Variants in CPEB2 observed in about 807,000 individuals in gnomAD.
The protein encoded by CPEB2 is cytoplasmic polyadenylation element-binding protein 2.
In CPEB2, 56 loss-of-function variants were observed where a neutral mutation model predicts 93.6. That is an observed-to-expected ratio of 0.60 (90% CI 0.48 to 0.75). The LOEUF (loss-of-function observed/expected upper bound fraction) is 0.75. Among genes scored for constraint, CPEB2 ranks in the 30% least tolerant of loss-of-function variants. The pLI is 0.00. For synonymous variants in CPEB2, 764 were observed against 586.3 expected (o/e 1.30, Z -4.38); for missense variants, 1,579 against 1,395.1 (o/e 1.13, Z -2.10).
In CPEB2 at chr4:15,002,927, C is replaced by A; in HGVS notation, c.254C>A (p.Pro85Gln). Residue 85 changes from proline (P) to glutamine (Q), a missense_variant, in exon 1 of 12, where the codon CCG becomes CAG. Coordinates refer to ENST00000538197, the MANE Select transcript of CPEB2 (RefSeq NM_001177382.2). ...GCCGCCGCCGCTTCCTCTTCCTCCC[C>A]GTTCCTGGCGCATCAGCAGACCATG... ...SPAAAASSSS[P>Q]FLAHQQTMQD... 5 of 1,516,016 alleles carry A rather than the reference C, an allele frequency of 3.3e-6. No individual in the cohort carries two copies. Among genetic ancestry groups the A allele is most frequent in the Non-Finnish European group, 4.4e-6 (5 of 1,141,716 alleles). 93.9% of individuals were successfully genotyped at this position (1,516,016 alleles called of 1,614,324 possible).
At chr4:15,013,870 T>G (rs1723794437) in intron 3 of CPEB2, among the ~76,000 whole-genome samples, 1 of 151,982 alleles carries the variant, frequency 6.6e-6, no homozygotes, top group South Asian at 2.1e-4. Flanking sequence ...TAGGATCAAA[T>G]ACTTAACAGA....
At chr4:15,061,703 G>A (rs1729202272) in intron 10 of CPEB2, among the ~76,000 whole-genome samples, 2 of 149,054 alleles carry the variant, frequency 1.3e-5, no homozygotes, top group African/African-American at 5.0e-5. Flanking sequence ...GTGTACTTGG[G>A]AAAATTGATT....
intron 3 of CPEB2, among the ~76,000 whole-genome samples, chr4:15,011,968 A>G (rs1024159949): frequency 1.5e-5 from 1 of 64,980 alleles, no homozygotes; most frequent in African/African-American, 1.0e-4. Flanking sequence ...TTAATCTTTA[A>G]TAGGCTGTTA....
intron 6 of CPEB2, among the ~76,000 whole-genome samples, chr4:15,043,310 G>A (rs1440932181): frequency 1.3e-5 from 2 of 152,150 alleles, no homozygotes; most frequent in Non-Finnish European, 2.9e-5. Flanking sequence ...TATGCTAGTA[G>A]TAGTTAAGAA....
intron 1 of CPEB2, chr4:15,006,432 A>AC (rs1722825734): frequency 6.6e-6 from 1 of 151,706 alleles, no homozygotes; most frequent in African/African-American, 2.4e-5. Flanking sequence ...AAAAAAAAAA[A>AC]ACCCAAAACT....
At chr4:15,019,234 AT>A (rs776867579) in intron 4 of CPEB2, among the ~76,000 whole-genome samples, 16 of 151,912 alleles carry the variant, frequency 1.1e-4, no homozygotes, top group Non-Finnish European at 1.8e-4. Flanking sequence ...AAATAAAAAA[AT>A]AAGACTGATA....
At position 15,066,342 on chromosome 4, in the gene CPEB2, G is replaced by A. The variant is rs372678404; in HGVS notation, c.3067G>A (p.Ala1023Thr). The A allele has an allele frequency of 8.1e-6, 13 of 1,612,226 alleles. No individual in the cohort carries two copies. The highest frequency in any genetic ancestry group is 1.6e-4 in the Middle Eastern group (1 of 6,078). The change falls in exon 12 of 12, where the codon GCT becomes ACT. Residue 1023 changes from alanine (A) to threonine (T), a missense_variant. Transcript: ENST00000538197. ...EFHKPLVKEG[A>T]DRPRQIHFRW... ...CCATAAGCCATTGGTAAAGGAAGGTGCTGATCGCCCACGTCAGATCCACTT... is the reference window on the plus strand; with the variant it reads ...CCATAAGCCATTGGTAAAGGAAGGTACTGATCGCCCACGTCAGATCCACTT...
chr4:15,031,985 CCTT>C (rs1461311746), intron 4 of CPEB2, among the ~76,000 whole-genome samples: 1 of 152,064 alleles, frequency 6.6e-6, no homozygotes, highest in Non-Finnish European at 1.5e-5. Flanking sequence ...CATCTGTACT[CCTT>C]ACTTGTGTGC....
At chr4:15,013,123 A>G (rs961517651) in intron 3 of CPEB2, among the ~76,000 whole-genome samples, 4 of 151,740 alleles carry the variant, frequency 2.6e-5, no homozygotes, top group Non-Finnish European at 5.9e-5. Context: ...CAGCCTTTCT[A>G]AGCTTTTATT....
intron 6 of CPEB2, among the ~76,000 whole-genome samples, chr4:15,046,031 G>A (rs1171847788): frequency 6.6e-6 from 1 of 152,030 alleles, no homozygotes; most frequent in Non-Finnish European, 1.5e-5. Context: ...TATACATTTG[G>A]TACTTGTTAT....
At chr4:15,047,709 G>T (rs1257970345) in intron 6 of CPEB2, among the ~76,000 whole-genome samples, 1 of 151,860 alleles carries the variant, frequency 6.6e-6, no homozygotes, top group East Asian at 1.9e-4. Context: ...CAGTGTTCAT[G>T]ACTTTAAATT....
At chr4:15,014,516 C>T (rs1723863882) in intron 3 of CPEB2, among the ~76,000 whole-genome samples, 1 of 151,902 alleles carries the variant, frequency 6.6e-6, no homozygotes, top group Non-Finnish European at 1.5e-5. Flanking sequence ...GTTGGAAATT[C>T]AGGTTCATAG....
intron 4 of CPEB2, among the ~76,000 whole-genome samples, chr4:15,025,598 T>G (rs1725359169): frequency 6.6e-6 from 1 of 151,772 alleles, no homozygotes; most frequent in Admixed American, 6.6e-5. Context: ...TCTTCTAGTC[T>G]TCTGCTTGTG....
intron 10 of CPEB2, among the ~76,000 whole-genome samples, chr4:15,059,891 G>A (rs554489065): frequency 3.8e-4 from 58 of 152,134 alleles, no homozygotes; most frequent in African/African-American, 8.2e-4. Context: ...CGTCTCCCCA[G>A]TCATAGAGAT....
At chr4:15,047,686 T>C (rs1413742416) in intron 6 of CPEB2, among the ~76,000 whole-genome samples, 2 of 152,124 alleles carry the variant, frequency 1.3e-5, no homozygotes, top group African/African-American at 4.8e-5. Flanking sequence ...TAAGTAATTT[T>C]ATTTTTCTTT....
intron 6 of CPEB2, among the ~76,000 whole-genome samples, chr4:15,045,848 T>A (rs1469738976): frequency 6.6e-6 from 1 of 152,196 alleles, no homozygotes; most frequent in Non-Finnish European, 1.5e-5. Flanking sequence ...TAATTACTTT[T>A]AAATATTTAT....
At position 15,069,393 on chromosome 4, in the gene CPEB2, C is replaced by G. The variant is rs1360337594; in HGVS notation, c.*3013C>G. 6.6e-6 allele frequency: 1 copy of G among 151,816 alleles called. No homozygotes were observed. Among genetic ancestry groups the G allele is most frequent in the Non-Finnish European group, 1.5e-5 (1 of 67,714 alleles). The allele number at this position is 151,816 out of a possible 1,614,324, so 9.4% of individuals were successfully genotyped here. A position where few individuals can be genotyped will look rare whatever the true frequency, so the allele number is the denominator to read the frequency against. ...TAATGCAAATTTATTTTTTTCATTGCATATTTTGCAGATTTTATCCACAGT... is the reference window on the plus strand; with the variant it reads ...TAATGCAAATTTATTTTTTTCATTGGATATTTTGCAGATTTTATCCACAGT... On this transcript the variant is annotated 3_prime_UTR_variant, in exon 12 of 12. Transcript: ENST00000538197.
rs188305479 is a variant in CPEB2 at position 15,056,082 on chromosome 4, G to T, written c.2461+1865G>T. ...TTATTAATGTCAGTTTCTTTCAATGGTCTGTAAAATAGTGTCTTTATTCAC... is the reference window on the plus strand; with the variant it reads ...TTATTAATGTCAGTTTCTTTCAATGTTCTGTAAAATAGTGTCTTTATTCAC... On this transcript the variant is annotated intron_variant, in intron 8 of 11. Transcript: ENST00000538197. Among the ~76,000 whole-genome samples, 8 of 152,190 alleles carry T rather than the reference G, an allele frequency of 5.3e-5. No homozygotes were observed. In the East Asian group the frequency reaches 1.4e-3, roughly 26 times the overall value.
At chr4:15,034,185 C>T (rs1024619396) in intron 5 of CPEB2, among the ~76,000 whole-genome samples, 1 of 152,120 alleles carries the variant, frequency 6.6e-6, no homozygotes. Context: ...TTCAGTATTT[C>T]ACTGTTTAGT....
Sources: allele counts gnomAD v4.1 joint callset (sites outside exome capture counted in the v4.1 genomes callset), GRCh38; gene constraint gnomAD v4.1.1; transcripts MANE v1.5; gene names NCBI Gene and HGNC (gene_info 2026-07-23, HGNC 2026-07-21).